The following KSR2 variants were observed in gnomAD, a reference collection of about 807,000 sequenced individuals.
KSR2 encodes kinase suppressor of ras 2.
KSR2 carries 25 observed loss-of-function variants against 107.8 expected under a neutral mutation model. The observed-to-expected ratio is 0.23, with a 90% CI of 0.17 to 0.32. The LOEUF (loss-of-function observed/expected upper bound fraction) is 0.32, where lower values mean the gene tolerates loss of function less well. KSR2 is among the 10% of genes least tolerant of loss of function. KSR2 has a pLI of 1.00. For synonymous variants in KSR2, 480 were observed against 507.0 expected, an observed-to-expected ratio of 0.95 and a Z score of 0.71; for missense variants, 887 against 1,268.9, an observed-to-expected ratio of 0.70 and a Z score of 4.57.
intron 14 of KSR2, among the ~76,000 whole-genome samples, chr12:117,523,327 G>A (rs1175469405): frequency 6.6e-6 from 1 of 152,200 alleles, no homozygotes; most frequent in Non-Finnish European, 1.5e-5. Context: ...CTCACTGCTT[G>A]AGCTGAGTAG....
At chr12:117,882,795 A>ATCCG (rs1251459727) in intron 1 of KSR2, among the ~76,000 whole-genome samples, 1 of 151,718 alleles carries the variant, frequency 6.6e-6, no homozygotes, top group African/African-American at 2.4e-5. Flanking sequence ...TTATTCATCC[A>ATCCG]TCCATCTATT....
chr12:117,591,308 T>C (rs1284368155), intron 5 of KSR2, among the ~76,000 whole-genome samples: 3 of 152,172 alleles, frequency 2.0e-5, no homozygotes, highest in African/African-American at 7.2e-5. Context: ...TAGTTGTCAC[T>C]CTATCAAAGC....
chr12:117,892,426 T>C (rs1894373536), intron 1 of KSR2, among the ~76,000 whole-genome samples: 1 of 152,236 alleles, frequency 6.6e-6, no homozygotes, highest in Non-Finnish European at 1.5e-5. Context: ...TTCCATTGCT[T>C]TCTTTTAGAA....
chr12:117,687,311 T>C (rs9971872), intron 4 of KSR2, among the ~76,000 whole-genome samples: 4,744 of 152,274 alleles, frequency 0.031, 235 homozygotes, highest in African/African-American at 0.11. Context: ...GTGGAATTTC[T>C]AATAATTCAG....
intron 5 of KSR2, among the ~76,000 whole-genome samples, chr12:117,616,028 C>T (rs913308280): frequency 6.6e-6 from 1 of 151,880 alleles, no homozygotes; most frequent in African/African-American, 2.4e-5. Flanking sequence ...GTGGCACACG[C>T]CCATAGTCCC....
chr12:117,701,812 G>C (rs1412368480), intron 4 of KSR2, among the ~76,000 whole-genome samples: 2 of 152,146 alleles, frequency 1.3e-5, no homozygotes, highest in African/African-American at 4.8e-5. Context: ...AGGATTTCTG[G>C]AGCAACGGAG....
intron 5 of KSR2, among the ~76,000 whole-genome samples, chr12:117,622,222 GCCTAAT>G (rs961559642): frequency 2.6e-5 from 4 of 151,926 alleles, no homozygotes; most frequent in Admixed American, 2.6e-4. Context: ...GTGGAAAACT[GCCTAAT>G]CCTCTTGGGA....
rs1445661408 is a variant in KSR2, at chr12:117,501,533, A to G, written c.2220-15842T>C. 2.0e-5 allele frequency among the ~76,000 whole-genome samples: 3 copies of G among 152,148 alleles called. No homozygotes were observed. The South Asian group carries it at 6.2e-4, about 31-fold the overall frequency. On this transcript the variant is annotated intron_variant, in intron 14 of 19. Transcript: ENST00000339824. The stretch of plus-strand genomic sequence containing the variant: ...GCATGTGCTGAGCTAACACTTCCAG[A>G]GCCCTGCCAGGCACTGTGCCAGGTG...
At chr12:117,586,715 A>G (rs1179276358) in intron 5 of KSR2, among the ~76,000 whole-genome samples, 1 of 152,164 alleles carries the variant, frequency 6.6e-6, no homozygotes, top group African/African-American at 2.4e-5. Context: ...CTACTGTCAA[A>G]CAGACAGACC....
chr12:117,688,449 G>A (rs1885677195), intron 4 of KSR2, among the ~76,000 whole-genome samples: 1 of 152,172 alleles, frequency 6.6e-6, no homozygotes, highest in Non-Finnish European at 1.5e-5. Context: ...AGTTTCTCAA[G>A]TCCTTTGGGG....
chr12:117,531,241 G>T (rs911972352), intron 11 of KSR2, among the ~76,000 whole-genome samples: 1 of 152,130 alleles, frequency 6.6e-6, no homozygotes, highest in East Asian at 1.9e-4. Flanking sequence ...ATAGGGGGCT[G>T]CCAGAACCCT....
At chr12:117,927,776 C>T (rs1262378928) in intron 1 of KSR2, among the ~76,000 whole-genome samples, 1 of 152,156 alleles carries the variant, frequency 6.6e-6, no homozygotes, top group Non-Finnish European at 1.5e-5. Flanking sequence ...TCAATGTGTA[C>T]TCGTATAAAA....
chr12:117,703,685 C>T (rs1190852734), intron 4 of KSR2, among the ~76,000 whole-genome samples: 1 of 152,174 alleles, frequency 6.6e-6, no homozygotes, highest in Non-Finnish European at 1.5e-5. Context: ...CACAGCTACC[C>T]AGCAATCCTC....
intron 5 of KSR2, among the ~76,000 whole-genome samples, chr12:117,658,908 C>T (rs1884302264): frequency 6.6e-6 from 1 of 152,176 alleles, no homozygotes; most frequent in South Asian, 2.1e-4. Flanking sequence ...CTCTGATGCA[C>T]TCTGTAACTG....
At chr12:117,710,735 A>G (rs1462300569) in intron 4 of KSR2, among the ~76,000 whole-genome samples, 1 of 152,214 alleles carries the variant, frequency 6.6e-6, no homozygotes, top group African/African-American at 2.4e-5. Context: ...AATACATAGT[A>G]GGGTTAAATA....
chr12:117,854,606 G>A (rs1056713518), intron 3 of KSR2, among the ~76,000 whole-genome samples: 9 of 152,154 alleles, frequency 5.9e-5, no homozygotes, highest in Non-Finnish European at 1.2e-4. Context: ...CCTTGTGGTG[G>A]GAACTGCAAC....
At chr12:117,670,319 T>G (rs1884852964) in intron 4 of KSR2, among the ~76,000 whole-genome samples, 1 of 152,242 alleles carries the variant, frequency 6.6e-6, no homozygotes, top group African/African-American at 2.4e-5. Flanking sequence ...GCTTTTCATG[T>G]ATGACCTCAC....
chr12:117,833,186 G>C (rs1197599201), intron 3 of KSR2, among the ~76,000 whole-genome samples: 3 of 152,158 alleles, frequency 2.0e-5, no homozygotes, highest in Non-Finnish European at 4.4e-5. Flanking sequence ...TTTTACAAGG[G>C]ACGGGACAAC....
chr12:117,662,473 C>T (rs1299025006), intron 5 of KSR2, among the ~76,000 whole-genome samples: 1 of 152,220 alleles, frequency 6.6e-6, no homozygotes, highest in East Asian at 1.9e-4. Flanking sequence ...AGGCTTCTGA[C>T]TCAGCCTCAA....
Sources: gnomAD v4.1 joint callset for allele counts (sites outside exome capture counted in the v4.1 genomes callset) on GRCh38, gnomAD v4.1.1 for gene constraint, MANE v1.5 for transcripts, NCBI Gene and HGNC (gene_info 2026-07-23, HGNC 2026-07-21) for gene names.